The following SGCZ variants were observed in gnomAD, a reference collection of about 807,000 sequenced individuals.
SGCZ encodes zeta-sarcoglycan.
A neutral mutation model predicts 41.3 loss-of-function variants in SGCZ; 40 were observed. The ratio of observed to expected loss-of-function variants is 0.97; its 90% CI spans 0.75 to 1.26. The LOEUF (loss-of-function observed/expected upper bound fraction) is 1.26. Ranked by LOEUF, SGCZ falls within the 50% of genes most tolerant of loss-of-function variation. The pLI, the probability that SGCZ is intolerant of heterozygous loss-of-function variation, is 0.00. For missense variants in SGCZ, 552 were observed against 369.8 expected, an observed-to-expected ratio of 1.49 and a Z score of -4.04; for synonymous variants, 206 against 137.5, an observed-to-expected ratio of 1.50 and a Z score of -3.49.
intron 1 of SGCZ, among the ~76,000 whole-genome samples, chr8:14,693,294 TTTTTTTTTTTTC>T (rs1808858061): frequency 1.2e-4 from 1 of 8,308 alleles, no homozygotes; most frequent in East Asian, 9.1e-4. Flanking sequence ...ATTGAATACC[TTTTTTTTTTTTC>T]CCCCAGATGA....
intron 1 of SGCZ, among the ~76,000 whole-genome samples, chr8:15,079,500 C>T (rs62494574): frequency 0.098 from 14,844 of 152,178 alleles, 866 homozygotes; most frequent in Middle Eastern, 0.2. Flanking sequence ...TTCACCTGTA[C>T]GCTTAAGCAA....
At chr8:14,587,155 G>A (rs528909700) in intron 1 of SGCZ, among the ~76,000 whole-genome samples, 8 of 151,974 alleles carry the variant, frequency 5.3e-5, no homozygotes, top group Non-Finnish European at 2.9e-5. Flanking sequence ...TTTTATGTAT[G>A]TGTCATATAA....
At chr8:14,162,157 G>A (rs375678970) in intron 5 of SGCZ, among the ~76,000 whole-genome samples, 1 of 152,074 alleles carries the variant, frequency 6.6e-6, no homozygotes, top group East Asian at 1.9e-4. Flanking sequence ...CCTTTACTTC[G>A]CTGGAACAAT....
rs1263079121 is a variant in SGCZ, at chr8:14,225,415, C to T, written c.424+12177G>A. On this transcript the variant is annotated intron_variant, in intron 4 of 7. Transcript: ENST00000382080. ...TAGTGTTGAAAATACACTTAGGTACCACTATCTTTTAATACTAAAAATTGA... is the reference window on the plus strand; with the variant it reads ...TAGTGTTGAAAATACACTTAGGTACTACTATCTTTTAATACTAAAAATTGA... Among the ~76,000 whole-genome samples, 5 of 151,946 alleles carry T rather than the reference C, an allele frequency of 3.3e-5. No homozygotes were observed. The East Asian group carries it at 9.6e-4, about 29-fold the overall frequency.
intron 1 of SGCZ, among the ~76,000 whole-genome samples, chr8:14,859,186 G>T (rs1451554720): frequency 6.6e-6 from 1 of 152,058 alleles, no homozygotes; most frequent in East Asian, 1.9e-4. Flanking sequence ...TTGTGACACA[G>T]ATTATTAAGA....
At chr8:15,232,721 A>G (rs1049429710) in intron 1 of SGCZ, among the ~76,000 whole-genome samples, 2 of 145,662 alleles carry the variant, frequency 1.4e-5, no homozygotes, top group South Asian at 2.1e-4. Flanking sequence ...ATATGTGTGT[A>G]TATATATACA....
chr8:14,392,917 C>G (rs1047330679), intron 2 of SGCZ, among the ~76,000 whole-genome samples: 1 of 151,528 alleles, frequency 6.6e-6, no homozygotes, highest in Non-Finnish European at 1.5e-5. Context: ...ATATTTTTAC[C>G]CTTTTAAATA....
chr8:15,053,604 T>A (rs1287892528), intron 1 of SGCZ, among the ~76,000 whole-genome samples: 1 of 152,132 alleles, frequency 6.6e-6, no homozygotes, highest in Non-Finnish European at 1.5e-5. Flanking sequence ...TTTCATGAGA[T>A]TTACTAATCA....
intron 4 of SGCZ, among the ~76,000 whole-genome samples, chr8:14,211,759 C>A (rs999467841): frequency 6.6e-6 from 1 of 152,064 alleles, no homozygotes; most frequent in Non-Finnish European, 1.5e-5. Flanking sequence ...GAAATCTGCC[C>A]CACAATCCAA....
chr8:14,106,588 T>A (rs1203224580), intron 6 of SGCZ, among the ~76,000 whole-genome samples: 1 of 152,246 alleles, frequency 6.6e-6, no homozygotes, highest in Non-Finnish European at 1.5e-5. Context: ...AAGTATGGTT[T>A]CGTTGCCTTA....
At chr8:15,110,242 G>A (rs1205751776) in intron 1 of SGCZ, among the ~76,000 whole-genome samples, 1 of 152,122 alleles carries the variant, frequency 6.6e-6, no homozygotes, top group East Asian at 1.9e-4. Context: ...TGATCCTTGA[G>A]TTACCTCAGA....
intron 1 of SGCZ, among the ~76,000 whole-genome samples, chr8:14,752,110 A>G (rs1799516782): frequency 4.9e-5 from 3 of 60,900 alleles, no homozygotes; most frequent in South Asian, 9.5e-4. Context: ...ACCGAAAACA[A>G]AAGAAAACAA....
At chr8:14,845,077 C>T (rs1803052931) in intron 1 of SGCZ, among the ~76,000 whole-genome samples, 1 of 152,160 alleles carries the variant, frequency 6.6e-6, no homozygotes, top group Non-Finnish European at 1.5e-5. Context: ...CAGGTTTCCA[C>T]TTCAGTATTC....
At chr8:14,537,560 C>CTTT (rs34868470) in intron 2 of SGCZ, among the ~76,000 whole-genome samples, 13,768 of 150,172 alleles carry the variant, frequency 0.092, 891 homozygotes, top group East Asian at 0.33. Flanking sequence ...TCTTTCTTTT[C>CTTT]TTTTTTTTTC....
intron 1 of SGCZ, among the ~76,000 whole-genome samples, chr8:15,130,352 A>G (rs1003059000): frequency 1.5e-4 from 23 of 152,360 alleles, no homozygotes; most frequent in African/African-American, 5.5e-4. Context: ...TGGCCCACAT[A>G]TCTACCCAGT....
intron 6 of SGCZ, among the ~76,000 whole-genome samples, chr8:14,103,644 C>G (rs574110635): frequency 2.3e-4 from 32 of 137,254 alleles, no homozygotes; most frequent in African/African-American, 8.2e-4. Flanking sequence ...TTCAACACTT[C>G]CATTTTCTTT....
intron 1 of SGCZ, among the ~76,000 whole-genome samples, chr8:14,707,618 T>A (rs952094409): frequency 2.0e-5 from 3 of 152,132 alleles, no homozygotes; most frequent in Non-Finnish European, 2.9e-5. Context: ...ACAACAAAGA[T>A]TGCTTCTTTG....
At position 14,239,668 on chromosome 8, in the gene SGCZ, C is replaced by G. The variant is rs982409383; in HGVS notation, c.337-1989G>C. On this transcript the variant is annotated intron_variant, in intron 3 of 7. Coordinates refer to ENST00000382080, the MANE Select transcript of SGCZ (RefSeq NM_139167.4). ...CTGTAATTCCAGCACTTTGGGAGGC[C>G]GAGGCGGGCGGATCACGAGGTCAGG... Among the ~76,000 whole-genome samples the G allele has an allele frequency of 3.3e-5, 5 of 151,384 alleles. No individual in the cohort carries two copies. The South Asian group carries it at 8.3e-4, about 25-fold the overall frequency.
chr8:14,913,171 C>A (rs1041857679), intron 1 of SGCZ, among the ~76,000 whole-genome samples: 9 of 151,972 alleles, frequency 5.9e-5, no homozygotes, highest in African/African-American at 1.9e-4. Flanking sequence ...AAATCTCATC[C>A]TAATTATTCA....
Sources: allele counts gnomAD v4.1 joint callset (sites outside exome capture counted in the v4.1 genomes callset), GRCh38; gene constraint gnomAD v4.1.1; transcripts MANE v1.5; gene names NCBI Gene and HGNC (gene_info 2026-07-23, HGNC 2026-07-21).